The following NRG1 variants were observed in gnomAD, a reference collection of about 807,000 sequenced individuals.
NRG1 encodes neuregulin 1.
Under a neutral mutation model 63.8 loss-of-function variants are expected in NRG1, and 18 were observed. The ratio of observed to expected loss-of-function variants is 0.28; its 90% CI spans 0.19 to 0.42. The LOEUF (loss-of-function observed/expected upper bound fraction) is 0.42. Ranked by LOEUF, NRG1 falls within the 10% of genes least tolerant of loss-of-function variation. The probability of loss-of-function intolerance (pLI) is 1.00; values close to 1 mark genes in which losing one functional copy is unlikely to be tolerated. For synonymous variants in NRG1, 302 were observed against 301.3 expected, an observed-to-expected ratio of 1.00 and a Z score of -0.02; for missense variants, 762 against 814.7, an observed-to-expected ratio of 0.94 and a Z score of 0.79.
chr8:32,019,964 T>C (rs1003894935), intron 1 of NRG1, among the ~76,000 whole-genome samples: 1 of 152,218 alleles, frequency 6.6e-6, no homozygotes, highest in Non-Finnish European at 1.5e-5. Context: ...GTCTTTGTTA[T>C]TGTACATTAT....
intron 1 of NRG1, among the ~76,000 whole-genome samples, chr8:32,345,146 G>GA (rs759720125): frequency 1.3e-5 from 2 of 152,150 alleles, no homozygotes; most frequent in Non-Finnish European, 2.9e-5. Context: ...CTATTATCCT[G>GA]AAAATGAAAA....
chr8:32,381,070 T>C (rs910283798), intron 1 of NRG1, among the ~76,000 whole-genome samples: 1 of 152,206 alleles, frequency 6.6e-6, no homozygotes, highest in African/African-American at 2.4e-5. Flanking sequence ...GTCACTTTTA[T>C]ACATATCCAT....
chr8:31,976,929 A>T (rs1808289757), intron 1 of NRG1, among the ~76,000 whole-genome samples: 1 of 152,200 alleles, frequency 6.6e-6, no homozygotes, highest in Non-Finnish European at 1.5e-5. Context: ...GATTATCCAA[A>T]ATAGAGACAT....
At chr8:32,035,633 C>A (rs1818920720) in intron 1 of NRG1, among the ~76,000 whole-genome samples, 1 of 152,172 alleles carries the variant, frequency 6.6e-6, no homozygotes, top group Non-Finnish European at 1.5e-5. Context: ...GTATTGGGTG[C>A]ATAAATATTT....
intron 1 of NRG1, among the ~76,000 whole-genome samples, chr8:32,579,716 C>T (rs67993561): frequency 0.26 from 39,016 of 152,026 alleles, 5,137 homozygotes; most frequent in South Asian, 0.33. Context: ...TCCTTGGGAA[C>T]TGTATTAGTT....
chr8:32,428,764 AGC>A (rs1211262681), intron 1 of NRG1, among the ~76,000 whole-genome samples: 1 of 152,208 alleles, frequency 6.6e-6, no homozygotes, highest in African/African-American at 2.4e-5. Flanking sequence ...CTTTTATTTC[AGC>A]AAAAGTAATG....
chr8:31,679,739 A>G (rs1187628628), intron 1 of NRG1, among the ~76,000 whole-genome samples: 1 of 152,108 alleles, frequency 6.6e-6, no homozygotes, highest in African/African-American at 2.4e-5. Flanking sequence ...AAAAAGAAGA[A>G]TTATTAGTAT....
chr8:31,882,949 G>A (rs1246954140), intron 1 of NRG1, among the ~76,000 whole-genome samples: 1 of 152,030 alleles, frequency 6.6e-6, no homozygotes, highest in Non-Finnish European at 1.5e-5. Context: ...GACAACAAAG[G>A]ATTTAGAACA....
intron 1 of NRG1, among the ~76,000 whole-genome samples, chr8:31,794,429 T>C (rs751619574): frequency 2.6e-5 from 4 of 151,440 alleles, no homozygotes; most frequent in Non-Finnish European, 5.9e-5. Context: ...TAAAACATTG[T>C]TCTTCCTCTC....
intron 1 of NRG1, among the ~76,000 whole-genome samples, chr8:31,662,502 C>T (rs1326661751): frequency 5.9e-5 from 9 of 152,162 alleles, no homozygotes; most frequent in Admixed American, 5.9e-4. Flanking sequence ...GTGCACCTGC[C>T]ACTCCTGCAT....
intron 1 of NRG1, among the ~76,000 whole-genome samples, chr8:32,444,936 TCAAA>T (rs1288646463): frequency 6.6e-6 from 1 of 152,204 alleles, no homozygotes; most frequent in Non-Finnish European, 1.5e-5. Context: ...CAGAGCAAGA[TCAAA>T]CAAAACAGTA....
intron 1 of NRG1, among the ~76,000 whole-genome samples, chr8:32,152,862 G>A (rs769793299): frequency 4.6e-5 from 7 of 152,108 alleles, no homozygotes; most frequent in Non-Finnish European, 5.9e-5. Flanking sequence ...AAATATACAC[G>A]TGCACACAAA....
chr8:32,120,068 GTGT>G (rs1563809001), intron 1 of NRG1, among the ~76,000 whole-genome samples: 1 of 151,884 alleles, frequency 6.6e-6, no homozygotes, highest in African/African-American at 2.4e-5. Context: ...TTCAATCATA[GTGT>G]TGTTCTAAGA....
At chr8:32,728,576 A>G (rs912349634) in intron 6 of NRG1, 5 of 984,886 alleles carry the variant, frequency 5.1e-6, no homozygotes, top group Non-Finnish European at 6.0e-6. Context: ...TTACTGTTGC[A>G]TAACTATTTT....
chr8:31,988,393 C>T (rs1025014708), intron 1 of NRG1, among the ~76,000 whole-genome samples: 1 of 152,068 alleles, frequency 6.6e-6, no homozygotes, highest in Non-Finnish European at 1.5e-5. Flanking sequence ...ATACACCGCT[C>T]ATGTGGCCAC....
intron 1 of NRG1, among the ~76,000 whole-genome samples, chr8:32,427,078 C>T (rs1272978871): frequency 6.6e-6 from 1 of 151,642 alleles, no homozygotes; most frequent in Non-Finnish European, 1.5e-5. Context: ...TGTTCTATTT[C>T]TCTAAATAGA....
intron 1 of NRG1, among the ~76,000 whole-genome samples, chr8:32,521,016 A>ATGT (rs1248744572): frequency 2.0e-5 from 3 of 152,178 alleles, no homozygotes; most frequent in Admixed American, 6.5e-5. Flanking sequence ...TGACATCAAC[A>ATGT]TGTTATTATT....
At chr8:31,922,197 C>T (rs1234629759) in intron 1 of NRG1, among the ~76,000 whole-genome samples, 1 of 152,136 alleles carries the variant, frequency 6.6e-6, no homozygotes, top group Non-Finnish European at 1.5e-5. Flanking sequence ...TATATAACCA[C>T]CTTGTTATCG....
chr8:32,428,335 G>A (rs1457016113), intron 1 of NRG1, among the ~76,000 whole-genome samples: 1 of 114,432 alleles, frequency 8.7e-6, no homozygotes, highest in East Asian at 3.1e-4. Context: ...TTTTATTTGA[G>A]TGAATTCTTT....
Sources: gnomAD v4.1 joint callset for allele counts (sites outside exome capture counted in the v4.1 genomes callset) on GRCh38, gnomAD v4.1.1 for gene constraint, MANE v1.5 for transcripts, NCBI Gene and HGNC (gene_info 2026-07-23, HGNC 2026-07-21) for gene names.